DTNA: variants seen among roughly 807,000 people sequenced by gnomAD.
The protein encoded by DTNA is dystrophin-related protein 3.
DTNA carries 43 observed loss-of-function variants against 100.7 expected under a neutral mutation model. The ratio of observed to expected loss-of-function variants is 0.43; its 90% confidence interval spans 0.33 to 0.55. The LOEUF is 0.55. DTNA is among the 20% of genes least tolerant of loss of function. DTNA has a pLI of 0.04. For synonymous variants in DTNA, 349 were observed against 347.9 expected, an observed-to-expected ratio of 1.00 and a Z score of -0.04; for missense variants, 798 against 953.9, an observed-to-expected ratio of 0.84 and a Z score of 2.15.
chr18:34,704,810 C>A (rs139756925), intron 1 of DTNA, among the ~76,000 whole-genome samples: 83 of 152,264 alleles, frequency 5.5e-4, no homozygotes, highest in Non-Finnish European at 1.1e-3. Context: ...AAAATGAATT[C>A]TTTTAAAAGT....
intron 1 of DTNA, among the ~76,000 whole-genome samples, chr18:34,583,331 C>T (rs1200321370): frequency 1.3e-5 from 2 of 152,036 alleles, no homozygotes; most frequent in Admixed American, 6.5e-5. Flanking sequence ...CCCCCGTTGG[C>T]CCCCACCCCC....
In DTNA at chr18:34,888,376, T is replaced by A; in HGVS notation, c.*642T>A. On this transcript the variant is annotated 3_prime_UTR_variant, in exon 23 of 23. Coordinates refer to ENST00000444659, the MANE Select transcript of DTNA (RefSeq NM_001386795.1). ...AGAGCCCGGAAGCCAAGAAGGGTCC[T>A]TGGCCTGCACGGTCTGTAGTTGACT... 1 of 985,850 alleles carries A rather than the reference T, an allele frequency of 1.0e-6. No individual in the cohort carries two copies. Among genetic ancestry groups the A allele is most frequent in the Non-Finnish European group, 1.2e-6 (1 of 829,930 alleles). 61.1% of individuals were successfully genotyped at this position (985,850 alleles called of 1,614,324 possible).
At chr18:34,744,366 T>C (rs1244752706) in intron 1 of DTNA, among the ~76,000 whole-genome samples, 3 of 152,298 alleles carry the variant, frequency 2.0e-5, no homozygotes, top group Non-Finnish European at 4.4e-5. Flanking sequence ...ACCATGCCAC[T>C]GTTGGATTCA....
At chr18:34,623,543 A>G (rs1428537527) in intron 1 of DTNA, among the ~76,000 whole-genome samples, 3 of 152,228 alleles carry the variant, frequency 2.0e-5, no homozygotes, top group Non-Finnish European at 2.9e-5. Flanking sequence ...TTTTATATTC[A>G]GAGAACATTC....
At chr18:34,711,141 A>G (rs2082827422) in intron 1 of DTNA, among the ~76,000 whole-genome samples, 1 of 152,156 alleles carries the variant, frequency 6.6e-6, no homozygotes, top group Non-Finnish European at 1.5e-5. Flanking sequence ...AGAGGCTGGT[A>G]GGAACTGAAT....
At chr18:34,707,878 T>TGGATC (rs2082312997), upstream of DTNA, among the ~76,000 whole-genome samples, 1 of 152,174 alleles carries the variant, frequency 6.6e-6, no homozygotes. Context: ...TTTTTTGGAT[T>TGGATC]GGATCATCAT....
rs984917071 is a variant in DTNA, at chr18:34,694,444, A to G, written c.-1-61532A>G. The stretch of plus-strand genomic sequence containing the variant: ...TGATTTTTGTCACTTTCAAAAAGCA[A>G]ATGTTAAGTCTGTACAGAGTTTATT... On this transcript the variant is annotated intron_variant, in intron 1 of 19. Transcript: ENST00000283365. 4.6e-5 allele frequency among the ~76,000 whole-genome samples: 7 copies of G among 152,332 alleles called. No individual in the cohort carries two copies. In the East Asian group the frequency reaches 1.3e-3, roughly 29 times the overall value.
At chr18:34,843,334 A>C (rs1271370096) in intron 13 of DTNA, among the ~76,000 whole-genome samples, 1 of 152,162 alleles carries the variant, frequency 6.6e-6, no homozygotes, top group African/African-American at 2.4e-5. Context: ...TAAAAACTTA[A>C]AGTGATAATT....
chr18:34,825,195 A>G, intron 9 of DTNA: 1 of 1,596,462 alleles, frequency 6.3e-7, no homozygotes, highest in Non-Finnish European at 8.6e-7. Flanking sequence ...ATTTGTTCTT[A>G]GCTATTGTAT....
At chr18:34,723,332 A>T (rs1012435617) in intron 1 of DTNA, among the ~76,000 whole-genome samples, 5 of 152,208 alleles carry the variant, frequency 3.3e-5, no homozygotes, top group Non-Finnish European at 7.3e-5. Flanking sequence ...CTATAGTGCC[A>T]CATCCTGTGT....
intron 1 of DTNA, among the ~76,000 whole-genome samples, chr18:34,584,540 G>T (rs2048938153): frequency 6.6e-6 from 1 of 152,118 alleles, no homozygotes; most frequent in Non-Finnish European, 1.5e-5. Context: ...CTCTTCTAGA[G>T]GTAGATGACA....
At chr18:34,515,768 A>T (rs953858910) in intron 1 of DTNA, among the ~76,000 whole-genome samples, 4 of 152,116 alleles carry the variant, frequency 2.6e-5, no homozygotes, top group African/African-American at 9.7e-5. Flanking sequence ...AAAAGGAAAG[A>T]TTCTGCCATT....
In DTNA at chr18:34,621,697, A is replaced by G. The variant is rs1376355383; in HGVS notation, c.-2+128183A>G. Among the ~76,000 whole-genome samples the G allele has an allele frequency of 2.6e-5, 4 of 152,310 alleles. No individual in the cohort carries two copies. The East Asian group carries it at 7.7e-4, about 29-fold the overall frequency. ...GGAAGAGACTGGGGAGATGTTAGTC[A>G]AAGGATACATTTCACTTAGAAAGGA... On this transcript the variant is annotated intron_variant, in intron 1 of 19. Transcript: ENST00000283365.
intron 1 of DTNA, among the ~76,000 whole-genome samples, chr18:34,660,755 T>C (rs1022185836): frequency 6.6e-6 from 1 of 152,188 alleles, no homozygotes; most frequent in African/African-American, 2.4e-5. Flanking sequence ...AGACAATAAC[T>C]TAAGTCTTCC....
chr18:34,578,715 A>G (rs1004558725), intron 1 of DTNA, among the ~76,000 whole-genome samples: 1 of 152,076 alleles, frequency 6.6e-6, no homozygotes, highest in African/African-American at 2.4e-5. Context: ...ACCATTTGTT[A>G]AATAGGGTGT....
At chr18:34,620,140 C>T (rs1048932461) in intron 1 of DTNA, among the ~76,000 whole-genome samples, 15 of 152,058 alleles carry the variant, frequency 9.9e-5, no homozygotes, top group African/African-American at 2.4e-4. Context: ...TTACTGGGAA[C>T]AGGTTCAGTG....
At chr18:34,661,978 G>T (rs926241311) in intron 1 of DTNA, among the ~76,000 whole-genome samples, 2 of 152,214 alleles carry the variant, frequency 1.3e-5, no homozygotes, top group South Asian at 4.1e-4. Context: ...CTGCGCCTCT[G>T]TGTGGCAGTC....
intron 2 of DTNA, among the ~76,000 whole-genome samples, chr18:34,758,213 A>T (rs2092910761): frequency 1.3e-5 from 2 of 152,242 alleles, no homozygotes; most frequent in African/African-American, 4.8e-5. Context: ...AGATTCAAAA[A>T]GTAACTTCTA....
intron 2 of DTNA, among the ~76,000 whole-genome samples, chr18:34,758,944 T>C (rs1025127370): frequency 6.6e-6 from 1 of 152,198 alleles, no homozygotes; most frequent in South Asian, 2.1e-4. Flanking sequence ...TCTTAGCTCA[T>C]TACTATAAGC....
Sources: allele counts gnomAD v4.1 joint callset (sites outside exome capture counted in the v4.1 genomes callset), GRCh38; gene constraint gnomAD v4.1.1; transcripts MANE v1.5; gene names NCBI Gene and HGNC (gene_info 2026-07-23, HGNC 2026-07-21).